ATP10A: variants seen among roughly 807,000 people sequenced by gnomAD.
The protein encoded by ATP10A is ATPase phospholipid transporting 10A (putative).
In ATP10A, 111 loss-of-function variants were observed where a neutral mutation model predicts 147.8. The observed-to-expected ratio is 0.75, with a 90% CI of 0.64 to 0.88. The LOEUF is 0.88. ATP10A is among the 40% of genes least tolerant of loss of function. The pLI is 0.00. For synonymous variants in ATP10A, 875 were observed against 841.6 expected, an observed-to-expected ratio of 1.04 and a Z score of -0.69; for missense variants, 1,927 against 1,959.0, an observed-to-expected ratio of 0.98 and a Z score of 0.31.
chr15:25,845,037 G>A (rs1415092393), intron 1 of ATP10A, among the ~76,000 whole-genome samples: 1 of 152,174 alleles, frequency 6.6e-6, no homozygotes, highest in African/African-American at 2.4e-5. Flanking sequence ...GGAGAAAGTG[G>A]TTCTCCACAA....
In ATP10A at chr15:25,727,169, T is replaced by G; in HGVS notation, c.838A>C (p.Ile280Leu). The change falls in exon 4 of 21, where the codon ATC becomes CTC. Residue 280 changes from isoleucine (I) to leucine (L), a missense_variant. Coordinates refer to ENST00000555815, the MANE Select transcript of ATP10A (RefSeq NM_024490.4). ...RNTDAVVGIV[I>L]YAGHETKALL... ...AGGTGCCCGAGCCTACCTGCGTAGATGACAATGCCGACGACTGCGTCCGTG... is the reference window on the plus strand; with the variant it reads ...AGGTGCCCGAGCCTACCTGCGTAGAGGACAATGCCGACGACTGCGTCCGTG... 1 of 1,614,036 alleles carries G rather than the reference T, an allele frequency of 6.2e-7. No individual in the cohort carries two copies. Among genetic ancestry groups the G allele is most frequent in the South Asian group, 1.1e-5 (1 of 91,074 alleles).
intron 1 of ATP10A, among the ~76,000 whole-genome samples, chr15:25,832,981 C>CTTT (rs202037774): frequency 2.1e-4 from 26 of 124,196 alleles, no homozygotes; most frequent in South Asian, 2.8e-4. Flanking sequence ...CTATTTTATT[C>CTTT]TTTTTTTTTT....
chr15:25,708,848 G>A (rs1901214953), intron 10 of ATP10A: 1 of 154,746 alleles, frequency 6.5e-6, no homozygotes, highest in African/African-American at 2.4e-5. Flanking sequence ...ATATGGCATA[G>A]GACATACTTT....
chr15:25,723,946 A>G lies in ATP10A; in HGVS notation c.1055T>C (p.Leu352Ser). 1 of 1,611,346 alleles carries G rather than the reference A, an allele frequency of 6.2e-7. No homozygotes were observed. Among genetic ancestry groups the G allele is most frequent in the South Asian group, 1.1e-5 (1 of 90,270 alleles). Reference sequence around the variant, plus strand: ...GTAAACTGCAGCTGTGACTGGGGATAAGGAGCTTCCATCAGACTTGGGGAC... The same window carrying G: ...GTAAACTGCAGCTGTGACTGGGGATGAGGAGCTTCCATCAGACTTGGGGAC... ...FYVPKSDGSS[L>S]SPVTAAVYSF... Residue 352 changes from leucine (L) to serine (S), a missense_variant, in exon 6 of 21, where the codon TTA becomes TCA. Physicochemically the swap from Leu to Ser is moderately radical, Grantham distance 145. Coordinates refer to ENST00000555815, the MANE Select transcript of ATP10A (RefSeq NM_024490.4).
At chr15:25,724,543 C>G (rs1902432880) in intron 5 of ATP10A, among the ~76,000 whole-genome samples, 1 of 152,228 alleles carries the variant, frequency 6.6e-6, no homozygotes. Flanking sequence ...TCCTGTACAT[C>G]TGTAACTTAT....
chr15:25,792,197 T>A (rs906938766), intron 1 of ATP10A, among the ~76,000 whole-genome samples: 1 of 152,250 alleles, frequency 6.6e-6, no homozygotes, highest in Admixed American at 6.5e-5. Flanking sequence ...TCCATTAATC[T>A]ACTTGTCCTT....
At chr15:25,767,844 C>A (rs1005964669) in intron 2 of ATP10A, among the ~76,000 whole-genome samples, 13 of 152,252 alleles carry the variant, frequency 8.5e-5, no homozygotes, top group African/African-American at 3.1e-4. Context: ...GTGCTGTAGA[C>A]AGAGGTAGGT....
intron 1 of ATP10A, among the ~76,000 whole-genome samples, chr15:25,805,406 G>A (rs1162868572): frequency 6.6e-6 from 1 of 152,166 alleles, no homozygotes; most frequent in Non-Finnish European, 1.5e-5. Context: ...TTTTTCAATG[G>A]CAGCACTTAG....
chr15:25,685,122 A>G (rs1161362672), intron 16 of ATP10A, among the ~76,000 whole-genome samples: 5 of 152,154 alleles, frequency 3.3e-5, no homozygotes, highest in African/African-American at 1.2e-4. Context: ...TTTTTCCTAT[A>G]GTACCAAAAA....
intron 17 of ATP10A, among the ~76,000 whole-genome samples, chr15:25,682,114 C>T (rs566211672): frequency 6.7e-6 from 1 of 149,874 alleles, no homozygotes; most frequent in Non-Finnish European, 1.5e-5. Context: ...GGGAACATGT[C>T]TCTCAAGTAG....
In ATP10A at chr15:25,730,016, C is replaced by T. The variant is rs544041301; in HGVS notation, c.741-2750G>A. Among the ~76,000 whole-genome samples the T allele has an allele frequency of 1.7e-4, 26 of 151,932 alleles. No homozygotes were observed. The South Asian group carries it at 4.8e-3, about 28-fold the overall frequency. ...AAGAAAAGACAGGGAGTAGGCTGGG[C>T]GCGGTGGCTCACACCTGTAATCCCA... On this transcript the variant is annotated intron_variant, in intron 3 of 20. Coordinates refer to ENST00000555815, the MANE Select transcript of ATP10A (RefSeq NM_024490.4).
chr15:25,814,709 T>G (rs1427795010), intron 1 of ATP10A, among the ~76,000 whole-genome samples: 1 of 152,178 alleles, frequency 6.6e-6, no homozygotes, highest in Non-Finnish European at 1.5e-5. Context: ...GAATAAGCCT[T>G]CTTTAAGTTA....
At chr15:25,706,862 C>A (rs1218018570) in intron 12 of ATP10A, among the ~76,000 whole-genome samples, 1 of 152,198 alleles carries the variant, frequency 6.6e-6, no homozygotes, top group Non-Finnish European at 1.5e-5. Context: ...CTGGGACAAC[C>A]AGCAGATGCC....
At chr15:25,837,985 C>G (rs1892664059) in intron 1 of ATP10A, among the ~76,000 whole-genome samples, 1 of 152,200 alleles carries the variant, frequency 6.6e-6, no homozygotes, top group Non-Finnish European at 1.5e-5. Context: ...TGCCAGGGCT[C>G]CGGGCCATGG....
chr15:25,752,240 A>G (rs533668466), intron 2 of ATP10A, among the ~76,000 whole-genome samples: 10 of 152,312 alleles, frequency 6.6e-5, no homozygotes, highest in Non-Finnish European at 1.0e-4. Context: ...ATTTACAATA[A>G]TGGAATCAAC....
intron 1 of ATP10A, among the ~76,000 whole-genome samples, chr15:25,845,781 C>T (rs1893000030): frequency 6.6e-6 from 1 of 152,188 alleles, no homozygotes; most frequent in African/African-American, 2.4e-5. Flanking sequence ...ACCACCCCAA[C>T]AAAGCCGTCC....
chr15:25,812,139 G>A (rs745748002), intron 1 of ATP10A, among the ~76,000 whole-genome samples: 4 of 152,216 alleles, frequency 2.6e-5, no homozygotes, highest in Admixed American at 1.3e-4. Flanking sequence ...CTGACGCCTT[G>A]GAGTTAAATC....
intron 1 of ATP10A, among the ~76,000 whole-genome samples, chr15:25,848,148 G>A (rs1414477055): frequency 1.3e-5 from 2 of 151,132 alleles, no homozygotes; most frequent in East Asian, 2.0e-4. Flanking sequence ...TTAATCATCT[G>A]TAAAATGAGG....
At chr15:25,809,113 G>A (rs1891320894) in intron 1 of ATP10A, among the ~76,000 whole-genome samples, 1 of 152,164 alleles carries the variant, frequency 6.6e-6, no homozygotes, top group Non-Finnish European at 1.5e-5. Context: ...TGAAACCTGA[G>A]CCCTGCAGAT....
Sources: allele counts gnomAD v4.1 joint callset (sites outside exome capture counted in the v4.1 genomes callset), GRCh38; gene constraint gnomAD v4.1.1; transcripts MANE v1.5; gene names NCBI Gene and HGNC (gene_info 2026-07-23, HGNC 2026-07-21).